The following TRAF3IP3 variants were observed in gnomAD, a reference collection of about 807,000 sequenced individuals.
TRAF3IP3 encodes the protein TRAF3 interacting protein 3, also known as TRAF3-interacting JNK-activating modulator.
In TRAF3IP3, 64 loss-of-function variants were observed where a neutral mutation model predicts 86.5. The ratio of observed to expected loss-of-function variants is 0.74; its 90% CI spans 0.60 to 0.91. The LOEUF is 0.91. Ranked by LOEUF, TRAF3IP3 falls within the 40% of genes least tolerant of loss-of-function variation. The pLI, the probability that TRAF3IP3 is intolerant of heterozygous loss-of-function variation, is 0.00. For synonymous variants in TRAF3IP3, 220 were observed against 243.9 expected, an observed-to-expected ratio of 0.90 and a Z score of 0.91; for missense variants, 579 against 642.9, an observed-to-expected ratio of 0.90 and a Z score of 1.07.
chr1:209,765,217 G>A, intron 8 of TRAF3IP3, among the ~76,000 whole-genome samples: 1 of 94,180 alleles, frequency 1.1e-5, no homozygotes, highest in East Asian at 3.1e-4. Context: ...GAGAGAGGGA[G>A]AGAGAGAGAG....
chr1:209,771,100 A>G (rs1571941094), intron 8 of TRAF3IP3, among the ~76,000 whole-genome samples: 2 of 96,148 alleles, frequency 2.1e-5, no homozygotes, highest in African/African-American at 8.2e-5. Flanking sequence ...GTGCAGGTGG[A>G]AGTGTGCATG....
At chr1:209,768,709 C>T (rs1183569025) in intron 8 of TRAF3IP3, 14 of 985,322 alleles carry the variant, frequency 1.4e-5, no homozygotes, top group Non-Finnish European at 1.7e-5. Context: ...GTTTATATGC[C>T]CTCTGAGCCC....
chr1:209,776,168 C>T lies in TRAF3IP3; in HGVS notation c.1053+432C>T, dbSNP rs139673441. 52 of 156,566 alleles carry T rather than the reference C, an allele frequency of 3.3e-4. 1 individual carries two copies. In the East Asian group the frequency reaches 9.8e-3, roughly 30 times the overall value. 9.7% of individuals were successfully genotyped at this position (156,566 alleles called of 1,614,324 possible). On this transcript the variant is annotated intron_variant, in intron 11 of 16. Coordinates refer to ENST00000367025, the MANE Select transcript of TRAF3IP3 (RefSeq NM_025228.4). ...TGCCAATGTGTATTTTAAGCAATTACATTTAGCAATTACAATTAGATTCTT... is the reference window on the plus strand; with the variant it reads ...TGCCAATGTGTATTTTAAGCAATTATATTTAGCAATTACAATTAGATTCTT...
At chr1:209,768,655 C>A in intron 8 of TRAF3IP3, 1 of 985,672 alleles carries the variant, frequency 1.0e-6, no homozygotes, top group Middle Eastern at 5.2e-4. Flanking sequence ...CTCAGACCGG[C>A]ACCAGGTGTG....
rs149573785 is a variant in TRAF3IP3, at chr1:209,763,022, G to A, written c.552-46G>A. ...GAATCAACCCACTGCCTCCTGACTT[G>A]ATTCTTTGGTCCATTATCATTATTT... On this transcript the variant is annotated intron_variant, in intron 5 of 16. Coordinates refer to ENST00000367025, the MANE Select transcript of TRAF3IP3 (RefSeq NM_025228.4). 3.8e-5 allele frequency: 61 copies of A among 1,610,620 alleles called. No individual in the cohort carries two copies. In the African/African-American group the frequency reaches 7.7e-4, roughly 20 times the overall value.
At position 209,762,782 on chromosome 1, in the gene TRAF3IP3, G is replaced by T. The variant is rs184562171; in HGVS notation, c.494-31G>T. On this transcript the variant is annotated intron_variant, in intron 4 of 16. Coordinates refer to ENST00000367025, the MANE Select transcript of TRAF3IP3 (RefSeq NM_025228.4). ...CACTTCCCTCACTTCCTCCCTGTAA[G>T]TTCTAAATCAACTTATCCTCCATCT... is the stretch of plus-strand genomic sequence containing the variant. 3,494 of 1,613,732 alleles carry T rather than the reference G, an allele frequency of 2.2e-3. 115 individuals are homozygous for T. The Admixed American group carries it at 0.053, about 25-fold the overall frequency.
Position 209,762,817 on chromosome 1 carries a change from TCAGA to T in TRAF3IP3, c.501_504del (p.Thr168ArgfsTer43), listed in dbSNP as rs749178940. 2 of 1,576,530 alleles carry T rather than the reference TCAGA, an allele frequency of 1.3e-6. No homozygotes were observed. The highest frequency in any genetic ancestry group is 1.7e-5 in the Admixed American group (1 of 57,820). On this transcript the variant is annotated frameshift_variant, in exon 5 of 17. Coordinates refer to ENST00000367025, the MANE Select transcript of TRAF3IP3 (RefSeq NM_025228.4). LOFTEE classifies it high-confidence loss of function. ...AACTTATCCTCCATCTCTCAGGTAC[TCAGA>T]CAAAGGCAGAAGGACCAACAATTAA...
At chr1:209,768,101 C>T (rs751485943) in intron 8 of TRAF3IP3, 231 of 975,348 alleles carry the variant, frequency 2.4e-4, no homozygotes, top group Non-Finnish European at 2.8e-4. Flanking sequence ...TCCATGAAAG[C>T]CTCAACTCCA....
At chr1:209,765,178 GGAGAGA>G (rs375415223) in intron 8 of TRAF3IP3, among the ~76,000 whole-genome samples, 41 of 87,846 alleles carry the variant, frequency 4.7e-4, no homozygotes, top group Non-Finnish European at 4.6e-4. Flanking sequence ...CTGAGAGACA[GGAGAGA>G]GAGAGAGAGA....
Position 209,762,607 on chromosome 1 carries a change from TG to T in TRAF3IP3, c.443del (p.Gly148AlafsTer64). On this transcript the variant is annotated frameshift_variant, in exon 4 of 17. Coordinates refer to ENST00000367025, the MANE Select transcript of TRAF3IP3 (RefSeq NM_025228.4). LOFTEE classifies it high-confidence loss of function. ...TGTCTGACCACCTCTCCTCACAGGC[TG>T]GGGGCCTTCCTCCACAGGACACTCC... ...DLSDHLSSQA[G>X]GLPPQDTPIK... is the part of the protein sequence containing the mutation. The T allele has an allele frequency of 1.3e-6, 2 of 1,521,970 alleles. No individual in the cohort carries two copies. Among genetic ancestry groups the T allele is most frequent in the Non-Finnish European group, 1.8e-6 (2 of 1,137,906 alleles). 94.3% of individuals were successfully genotyped at this position (1,521,970 alleles called of 1,614,324 possible). A position where few individuals can be genotyped will look rare whatever the true frequency, so the allele number is the denominator to read the frequency against.
intron 8 of TRAF3IP3, among the ~76,000 whole-genome samples, chr1:209,764,727 GA>G (rs1380535700): frequency 7.3e-6 from 1 of 137,532 alleles, no homozygotes; most frequent in Non-Finnish European, 1.5e-5. Flanking sequence ...CTGGACAAAA[GA>G]GCGAGACTCC....
At chr1:209,771,761 A>C (rs2077538454) in intron 8 of TRAF3IP3, among the ~76,000 whole-genome samples, 1 of 74,998 alleles carries the variant, frequency 1.3e-5, no homozygotes, top group Non-Finnish European at 2.7e-5. Flanking sequence ...GCGCATGTGA[A>C]GGTGTGTGTG....
chr1:209,765,106 T>C (rs1349849706), intron 8 of TRAF3IP3, among the ~76,000 whole-genome samples: 1 of 150,614 alleles, frequency 6.6e-6, no homozygotes, highest in Admixed American at 6.7e-5. Flanking sequence ...GCCCAGGAAG[T>C]GGAGGTTGCA....
In TRAF3IP3 at chr1:209,782,266, T is replaced by G; in HGVS notation, c.*118T>G. On this transcript the variant is annotated 3_prime_UTR_variant, in exon 17 of 17. Coordinates refer to ENST00000367025, the MANE Select transcript of TRAF3IP3 (RefSeq NM_025228.4). ...CAACTGACTTAGGATTTCTGACTTT[T>G]TATTAATTTCTTAACCTACTGTAAA... 2 of 764,102 alleles carry G rather than the reference T, an allele frequency of 2.6e-6. No individual in the cohort carries two copies. The allele number at this position is 764,102 out of a possible 1,614,324, so 47.3% of individuals were successfully genotyped here. A position where few individuals can be genotyped will look rare whatever the true frequency, so the allele number is the denominator to read the frequency against.
chr1:209,770,531 G>A (rs1438943176), intron 8 of TRAF3IP3, among the ~76,000 whole-genome samples: 1 of 149,508 alleles, frequency 6.7e-6, no homozygotes, highest in Non-Finnish European at 1.5e-5. Context: ...AGGTGGAAGT[G>A]TGCGTGTGCA....
At chr1:209,760,474 C>T in intron 3 of TRAF3IP3, 90 bp downstream of exon 3, 1 of 1,150,980 alleles carries the variant, frequency 8.7e-7, no homozygotes, top group Non-Finnish European at 1.2e-6. Flanking sequence ...TAAAAAGTGA[C>T]CTAAATCAAG....
chr1:209,777,305 C>A, intron 11 of TRAF3IP3, 47 bp from the exon 12 acceptor site: 1 of 1,567,552 alleles, frequency 6.4e-7, no homozygotes, highest in Non-Finnish European at 8.7e-7. Flanking sequence ...CCAACCTCCA[C>A]CCCAACACTG....
Position 209,762,498 on chromosome 1 carries a change from C to A in TRAF3IP3, c.346-17C>A, listed in dbSNP as rs2077263921. ...GCTCCAGGCAGTGGTTTTCAGCATT[C>A]CCCACTTGCCTTCCAGGTGACAGGC... On this transcript the variant is annotated splice_polypyrimidine_tract_variant and intron_variant, in intron 3 of 16. Transcript: ENST00000367025. The A allele has an allele frequency of 1.4e-6, 2 of 1,445,008 alleles. No individual in the cohort carries two copies. Among genetic ancestry groups the A allele is most frequent in the South Asian group, 1.7e-5 (1 of 58,838 alleles). The allele number at this position is 1,445,008 out of a possible 1,614,324, so 89.5% of individuals were successfully genotyped here. A position where few individuals can be genotyped will look rare whatever the true frequency, so the allele number is the denominator to read the frequency against.
At chr1:209,759,558 A>C (rs1337764988) in intron 2 of TRAF3IP3, among the ~76,000 whole-genome samples, 1 of 152,168 alleles carries the variant, frequency 6.6e-6, no homozygotes, top group Non-Finnish European at 1.5e-5. Context: ...CAACTGGGGG[A>C]TAAGAGGGCA....
Sources: allele counts gnomAD v4.1 joint callset (sites outside exome capture counted in the v4.1 genomes callset), GRCh38; gene constraint gnomAD v4.1.1; transcripts MANE v1.5; gene names NCBI Gene and HGNC (gene_info 2026-07-23, HGNC 2026-07-21).